The following XKR6 variants were observed in gnomAD, a reference collection of about 807,000 sequenced individuals.
XKR6 encodes the protein XK-related protein 6.
A neutral mutation model predicts 56.7 loss-of-function variants in XKR6; 22 were observed. That is an observed-to-expected ratio of 0.39 (90% confidence interval 0.28 to 0.55). XKR6 has a LOEUF of 0.55. Ranked by LOEUF, XKR6 falls within the 20% of genes least tolerant of loss-of-function variation. The probability of loss-of-function intolerance (pLI) is 0.66; values close to 1 mark genes in which losing one functional copy is unlikely to be tolerated. For missense variants in XKR6, 852 were observed against 889.0 expected (o/e 0.96, Z 0.53); for synonymous variants, 524 against 387.8 (o/e 1.35, Z -4.13).
chr8:11,123,958 T>G (rs977369413), intron 1 of XKR6: 1 of 456,006 alleles, frequency 2.2e-6, no homozygotes, highest in Non-Finnish European at 4.4e-6. Context: ...TCGGCTCCAG[T>G]GCTACCTGCT....
At chr8:10,972,428 T>G (rs1802435606) in intron 1 of XKR6, among the ~76,000 whole-genome samples, 1 of 152,192 alleles carries the variant, frequency 6.6e-6, no homozygotes, top group Non-Finnish European at 1.5e-5. Context: ...TGTATGGTCT[T>G]GGGATGAGTC....
chr8:11,023,473 AG>A (rs1270560459), intron 1 of XKR6, among the ~76,000 whole-genome samples: 2 of 152,218 alleles, frequency 1.3e-5, no homozygotes, highest in Non-Finnish European at 2.9e-5. Context: ...TGCATTGCCC[AG>A]GCTGGTCTCA....
intron 1 of XKR6, among the ~76,000 whole-genome samples, chr8:10,961,963 T>C (rs189764559): frequency 2.0e-5 from 3 of 152,324 alleles, no homozygotes; most frequent in African/African-American, 4.8e-5. Flanking sequence ...ATAGCTATTA[T>C]ACACCACCTT....
At chr8:11,001,540 C>G (rs942520527) in intron 1 of XKR6, among the ~76,000 whole-genome samples, 1 of 152,214 alleles carries the variant, frequency 6.6e-6, no homozygotes, top group Non-Finnish European at 1.5e-5. Context: ...CTCCTCTCTA[C>G]CCCTATAGCC....
intron 1 of XKR6, among the ~76,000 whole-genome samples, chr8:11,077,763 GCA>G (rs1234772763): frequency 6.6e-6 from 1 of 152,264 alleles, no homozygotes; most frequent in Admixed American, 6.5e-5. Flanking sequence ...ATGCATCTGG[GCA>G]CAGTTTCTGG....
At chr8:11,100,706 T>G (rs1798436626) in intron 1 of XKR6, among the ~76,000 whole-genome samples, 1 of 152,230 alleles carries the variant, frequency 6.6e-6, no homozygotes, top group Non-Finnish European at 1.5e-5. Flanking sequence ...CAGAAAAATG[T>G]GTTGTCTCTT....
chr8:11,085,347 G>C (rs545705363), intron 1 of XKR6, among the ~76,000 whole-genome samples: 1 of 152,288 alleles, frequency 6.6e-6, no homozygotes, highest in South Asian at 2.1e-4. Context: ...CATGCCATGG[G>C]GTGCGGTTGC....
intron 1 of XKR6, among the ~76,000 whole-genome samples, chr8:11,068,335 G>A (rs1800033304): frequency 6.6e-6 from 1 of 152,138 alleles, no homozygotes; most frequent in Non-Finnish European, 1.5e-5. Context: ...ACGGTGGGTG[G>A]GGGGCTGGGC....
intron 1 of XKR6, among the ~76,000 whole-genome samples, chr8:10,951,633 C>A (rs910184766): frequency 6.6e-6 from 1 of 152,238 alleles, no homozygotes; most frequent in African/African-American, 2.4e-5. Context: ...CATGACCTAA[C>A]GGCCCATCAT....
rs1490696175 is a variant in XKR6, at chr8:11,201,452, G to A, written c.-113C>T. The A allele has an allele frequency of 6.1e-6, 3 of 494,518 alleles. No individual in the cohort carries two copies. Among genetic ancestry groups the A allele is most frequent in the East Asian group, 9.7e-5 (2 of 20,724 alleles). 30.6% of individuals were successfully genotyped at this position (494,518 alleles called of 1,614,324 possible). ...GAATGGAGAGGAAGGGGGGCGGGGA[G>A]GAAGCGGGGGAGCAAACGAACGAGG... On this transcript the variant is annotated 5_prime_UTR_variant, in exon 1 of 3. Transcript: ENST00000416569.
chr8:10,953,001 A>G (rs1418514339), intron 1 of XKR6, among the ~76,000 whole-genome samples: 1 of 152,042 alleles, frequency 6.6e-6, no homozygotes, highest in Non-Finnish European at 1.5e-5. Flanking sequence ...ATGAGAATCT[A>G]ATGCATGATG....
chr8:10,913,116 G>A (rs1449138926), intron 2 of XKR6, among the ~76,000 whole-genome samples: 1 of 151,542 alleles, frequency 6.6e-6, no homozygotes, highest in African/African-American at 2.4e-5. Flanking sequence ...TATATATAGA[G>A]GGTGTGTATG....
Position 10,898,864 on chromosome 8 carries a change from A to C in XKR6, c.1014T>G (p.Tyr338Ter). ...CCCTGGAGTCCCGCAGCAGCTTGTGATAGGAGGCTAGCACCCAAGCCAGGG... is the reference window on the plus strand; with the variant it reads ...CCCTGGAGTCCCGCAGCAGCTTGTGCTAGGAGGCTAGCACCCAAGCCAGGG... The part of the protein sequence containing the change: ...LMSLAWVLAS[Y>*]HKLLRDSRDD... Residue 338 changes from tyrosine to a stop codon, truncating the protein, a stop_gained, in exon 3 of 3, where the codon TAT (tyrosine) becomes TAG (stop). Coordinates refer to ENST00000416569, the MANE Select transcript of XKR6 (RefSeq NM_173683.4). LOFTEE classifies it high-confidence loss of function. The surrounding 1 kb of genome is among the most constrained non-coding windows in gnomAD (Gnocchi z 6.6). 1 of 1,613,826 alleles carries C rather than the reference A, an allele frequency of 6.2e-7. No homozygotes were observed. Among genetic ancestry groups the C allele is most frequent in the Non-Finnish European group, 8.5e-7 (1 of 1,179,888 alleles).
intron 2 of XKR6, among the ~76,000 whole-genome samples, chr8:10,901,441 G>A (rs1234849978): frequency 6.6e-6 from 1 of 152,074 alleles, no homozygotes; most frequent in Non-Finnish European, 1.5e-5. Context: ...CCAAAGTGCT[G>A]GGATTACAGG....
Position 10,943,789 on chromosome 8 carries a change from A to G in XKR6, c.765-18959T>C, listed in dbSNP as rs1007762023. 3.9e-5 allele frequency among the ~76,000 whole-genome samples: 6 copies of G among 152,102 alleles called. No homozygotes were observed. The East Asian group carries it at 9.7e-4, about 25-fold the overall frequency. On this transcript the variant is annotated intron_variant, in intron 1 of 2. Coordinates refer to ENST00000416569, the MANE Select transcript of XKR6 (RefSeq NM_173683.4). ...GGGAGTGCTTTTACGCCAGGGCACT[A>G]TGCTCTCCTGCTCTCTTTCTCATTC...
At position 11,099,186 on chromosome 8, in the gene XKR6, T is replaced by G. The variant is rs544213307; in HGVS notation, c.764+101390A>C. Among the ~76,000 whole-genome samples the G allele has an allele frequency of 6.6e-5, 10 of 152,282 alleles. No homozygotes were observed. The South Asian group carries it at 8.3e-4, about 13-fold the overall frequency. ...GAACCACATCTCCTTTCTTCAGATC[T>G]CTTCTCTTAGCTGGGTACAGCAGGA... On this transcript the variant is annotated intron_variant, in intron 1 of 2. Coordinates refer to ENST00000416569, the MANE Select transcript of XKR6 (RefSeq NM_173683.4).
chr8:11,046,118 G>A (rs1799404294), intron 1 of XKR6, among the ~76,000 whole-genome samples: 1 of 152,158 alleles, frequency 6.6e-6, no homozygotes, highest in Non-Finnish European at 1.5e-5. Context: ...AGGGATTCAG[G>A]CTGGTCACGG....
intron 1 of XKR6, among the ~76,000 whole-genome samples, chr8:11,019,401 G>A (rs1320236614): frequency 6.6e-6 from 1 of 152,206 alleles, no homozygotes; most frequent in Non-Finnish European, 1.5e-5. Context: ...TTCGCCTCTG[G>A]ACTTCGGGAC....
At chr8:11,154,385 C>G (rs28398187) in intron 1 of XKR6, among the ~76,000 whole-genome samples, 7,767 of 152,320 alleles carry the variant, frequency 0.051, 659 homozygotes, top group African/African-American at 0.18. Context: ...AGGAGGGTAA[C>G]AATGCCCAGC....
Sources: gnomAD v4.1 joint callset for allele counts (sites outside exome capture counted in the v4.1 genomes callset) on GRCh38, gnomAD v4.1.1 for gene constraint, Gnocchi (gnomAD v3.1) non-coding constraint, MANE v1.5 for transcripts, NCBI Gene and HGNC (gene_info 2026-07-23, HGNC 2026-07-21) for gene names.